SNTB1: variants seen among roughly 807,000 people sequenced by gnomAD.
SNTB1 encodes syntrophin beta 1.
SNTB1 carries 36 observed loss-of-function variants against 48.9 expected under a neutral mutation model. The ratio of observed to expected loss-of-function variants is 0.74; its 90% confidence interval spans 0.56 to 0.97. The LOEUF is 0.97. SNTB1 is among the 50% of genes least tolerant of loss of function. The pLI is 0.00. For synonymous variants in SNTB1, 299 were observed against 294.6 expected (o/e 1.01, Z -0.15); for missense variants, 786 against 703.4 (o/e 1.12, Z -1.33).
At chr8:120,731,902 G>A (rs1391000423) in intron 1 of SNTB1, among the ~76,000 whole-genome samples, 1 of 152,210 alleles carries the variant, frequency 6.6e-6, no homozygotes, top group East Asian at 1.9e-4. Flanking sequence ...ATTCCCGAAT[G>A]CTATATAACT....
At chr8:120,708,361 T>C (rs1435062696) in intron 1 of SNTB1, among the ~76,000 whole-genome samples, 1 of 152,024 alleles carries the variant, frequency 6.6e-6, no homozygotes, top group Non-Finnish European at 1.5e-5. Context: ...AGCTTATTAG[T>C]GAATTCTACC....
At chr8:120,758,774 G>A (rs1022155013) in intron 1 of SNTB1, among the ~76,000 whole-genome samples, 4 of 152,004 alleles carry the variant, frequency 2.6e-5, no homozygotes, top group African/African-American at 9.7e-5. Context: ...CTACACAGGG[G>A]GCCCAAGAGT....
intron 2 of SNTB1, among the ~76,000 whole-genome samples, chr8:120,673,376 C>T (rs970557102): frequency 4.0e-5 from 6 of 151,198 alleles, no homozygotes; most frequent in South Asian, 2.1e-4. Flanking sequence ...CTGCAACCTC[C>T]GTCTCCTGGG....
At chr8:120,539,104 A>T in intron 6 of SNTB1, 135 bp from the exon 7 acceptor site, 1 of 618,792 alleles carries the variant, frequency 1.6e-6, no homozygotes, top group African/African-American at 1.9e-5. Flanking sequence ...CTCTAAAATC[A>T]CTGCCCCTCA....
intron 3 of SNTB1, among the ~76,000 whole-genome samples, chr8:120,621,658 T>G (rs555797798): frequency 2.0e-5 from 3 of 152,284 alleles, no homozygotes; most frequent in African/African-American, 7.2e-5. Context: ...GAGTTATATT[T>G]CAGAAGCTTT....
chr8:120,611,579 T>A (rs769295716), intron 3 of SNTB1, among the ~76,000 whole-genome samples: 1 of 151,506 alleles, frequency 6.6e-6, no homozygotes, highest in Non-Finnish European at 1.5e-5. Flanking sequence ...ATCCCAGCAC[T>A]TTGGGAGGCG....
At chr8:120,641,221 A>G (rs1467038720) in intron 2 of SNTB1, among the ~76,000 whole-genome samples, 2 of 152,206 alleles carry the variant, frequency 1.3e-5, no homozygotes, top group African/African-American at 4.8e-5. Flanking sequence ...GCAGAACACA[A>G]ACTAGGATTC....
chr8:120,661,644 C>A (rs1313145801), intron 2 of SNTB1, among the ~76,000 whole-genome samples: 1 of 152,176 alleles, frequency 6.6e-6, no homozygotes, highest in African/African-American at 2.4e-5. Flanking sequence ...TTCTCCCTCC[C>A]CTTTCCCCAC....
intron 2 of SNTB1, among the ~76,000 whole-genome samples, chr8:120,675,085 A>G (rs1817813209): frequency 6.6e-6 from 1 of 152,226 alleles, no homozygotes; most frequent in South Asian, 2.1e-4. Context: ...AAATTGCAGT[A>G]ACAAATAACA....
At chr8:120,578,322 T>C (rs1356399721) in intron 3 of SNTB1, among the ~76,000 whole-genome samples, 3 of 152,152 alleles carry the variant, frequency 2.0e-5, no homozygotes, top group Non-Finnish European at 2.9e-5. Context: ...AGCCATACCT[T>C]GTGCTACATA....
chr8:120,634,280 C>T (rs1054482491), intron 2 of SNTB1, among the ~76,000 whole-genome samples: 6 of 152,184 alleles, frequency 3.9e-5, no homozygotes, highest in African/African-American at 1.4e-4. Flanking sequence ...AACTTCCTTT[C>T]ATCTCTTAAT....
At chr8:120,767,528 G>C (rs969557115) in intron 1 of SNTB1, among the ~76,000 whole-genome samples, 1 of 152,212 alleles carries the variant, frequency 6.6e-6, no homozygotes, top group African/African-American at 2.4e-5. Flanking sequence ...CAAAAAGGTA[G>C]TAGAAGGATC....
At chr8:120,777,307 G>C (rs558848325) in intron 1 of SNTB1, among the ~76,000 whole-genome samples, 7 of 152,308 alleles carry the variant, frequency 4.6e-5, no homozygotes, top group African/African-American at 9.6e-5. Flanking sequence ...ACAAGTATCT[G>C]TTCCCCACCC....
intron 2 of SNTB1, among the ~76,000 whole-genome samples, chr8:120,674,936 A>G (rs1817811235): frequency 6.6e-6 from 1 of 152,216 alleles, no homozygotes; most frequent in African/African-American, 2.4e-5. Context: ...GCTGTGGCAG[A>G]ATTTGGTTAT....
At chr8:120,582,419 A>G (rs1329183906) in intron 3 of SNTB1, among the ~76,000 whole-genome samples, 1 of 152,186 alleles carries the variant, frequency 6.6e-6, no homozygotes, top group Non-Finnish European at 1.5e-5. Context: ...AGAAAATAGG[A>G]AATAATAAAG....
intron 1 of SNTB1, among the ~76,000 whole-genome samples, chr8:120,762,379 G>A (rs75545758): frequency 0.023 from 3,494 of 152,208 alleles, 133 homozygotes; most frequent in African/African-American, 0.08. Flanking sequence ...ACCAGGATGA[G>A]ACCAGCCAGG....
At chr8:120,698,064 A>G (rs1435842882) in intron 1 of SNTB1, among the ~76,000 whole-genome samples, 1 of 152,224 alleles carries the variant, frequency 6.6e-6, no homozygotes, top group Non-Finnish European at 1.5e-5. Context: ...TATAGCGAAT[A>G]TGGCAGAGCC....
chr8:120,692,848 A>G (rs755339688), intron 2 of SNTB1, among the ~76,000 whole-genome samples: 3 of 152,208 alleles, frequency 2.0e-5, no homozygotes, highest in Non-Finnish European at 4.4e-5. Context: ...GCTTATATTC[A>G]TGGAAGGTTT....
intron 2 of SNTB1, among the ~76,000 whole-genome samples, chr8:120,689,773 G>A (rs759621876): frequency 1.3e-5 from 2 of 152,134 alleles, no homozygotes; most frequent in Non-Finnish European, 2.9e-5. Context: ...GTGTGGTTTG[G>A]TTTTGTTATT....
Sources: allele counts gnomAD v4.1 joint callset (sites outside exome capture counted in the v4.1 genomes callset), GRCh38; gene constraint gnomAD v4.1.1; transcripts MANE v1.5; gene names NCBI Gene and HGNC (gene_info 2026-07-23, HGNC 2026-07-21).